Variants in JAM3 observed in about 807,000 individuals in gnomAD.
The protein encoded by JAM3 is junctional adhesion molecule C.
JAM3 carries 31 observed loss-of-function variants against 39.4 expected under a neutral mutation model. The observed-to-expected ratio is 0.79, with a 90% CI of 0.59 to 1.06. The LOEUF is 1.06. Among genes scored for constraint, JAM3 ranks in the 50% least tolerant of loss-of-function variants. The pLI, the probability that JAM3 is intolerant of heterozygous loss-of-function variation, is 0.00. For missense variants in JAM3, 455 were observed against 391.4 expected, an observed-to-expected ratio of 1.16 and a Z score of -1.37; for synonymous variants, 182 against 148.7, an observed-to-expected ratio of 1.22 and a Z score of -1.63.
At chr11:134,143,787 A>G (rs1449004408) in intron 3 of JAM3, among the ~76,000 whole-genome samples, 3 of 152,320 alleles carry the variant, frequency 2.0e-5, no homozygotes, top group Middle Eastern at 3.4e-3. Flanking sequence ...GCATTTTTCT[A>G]AGAGTTTTAT....
chr11:134,074,326 A>G (rs188809093), intron 1 of JAM3, among the ~76,000 whole-genome samples: 1 of 152,340 alleles, frequency 6.6e-6, no homozygotes, highest in African/African-American at 2.4e-5. Flanking sequence ...TTGTGTAATG[A>G]AAAAAGTTGC....
At chr11:134,076,030 A>C in intron 1 of JAM3, among the ~76,000 whole-genome samples, 1 of 118,678 alleles carries the variant, frequency 8.4e-6, no homozygotes, top group African/African-American at 5.0e-5. Flanking sequence ...ATTGATAACC[A>C]ATCAATACAC....
intron 1 of JAM3, among the ~76,000 whole-genome samples, chr11:134,089,415 CTCG>C (rs1183187685): frequency 1.3e-5 from 2 of 152,066 alleles, no homozygotes; most frequent in East Asian, 3.9e-4. Context: ...CACCCAGTAA[CTCG>C]TCATTTAACA....
At position 134,149,162 on chromosome 11, in the gene JAM3, A is replaced by C; in HGVS notation, c.914A>C (p.Lys305Thr). 1 of 1,614,024 alleles carries C rather than the reference A, an allele frequency of 6.2e-7. No individual in the cohort carries two copies. Among genetic ancestry groups the C allele is most frequent in the Non-Finnish European group, 8.5e-7 (1 of 1,179,874 alleles). Reference sequence around the variant, plus strand: ...GCTTTGCAGGGCGACTTCAGACACAAGTCATCGTTTGTGATCTGAGACCCG... The same window carrying C: ...GCTTTGCAGGGCGACTTCAGACACACGTCATCGTTTGTGATCTGAGACCCG... Reference protein sequence around the residue: ...RTDEEGDFRHKSSFVI With the variant: ...RTDEEGDFRHTSSFVI The change falls in exon 9 of 9, where the codon AAG becomes ACG. Residue 305 changes from lysine (K) to threonine (T), a missense_variant. Coordinates refer to ENST00000299106, the MANE Select transcript of JAM3 (RefSeq NM_032801.5).
At chr11:134,073,124 A>G (rs1444311828) in intron 1 of JAM3, among the ~76,000 whole-genome samples, 2 of 152,176 alleles carry the variant, frequency 1.3e-5, no homozygotes, top group Non-Finnish European at 2.9e-5. Flanking sequence ...GGTACTCTAT[A>G]TGGAGAGCTA....
At chr11:134,073,896 T>C (rs961900237) in intron 1 of JAM3, among the ~76,000 whole-genome samples, 3 of 152,342 alleles carry the variant, frequency 2.0e-5, no homozygotes, top group Non-Finnish European at 4.4e-5. Context: ...TAAAAAAATG[T>C]CTTATTTCTA....
chr11:134,119,344 A>G lies in JAM3; in HGVS notation c.77-20507A>G, dbSNP rs367951267. 3.9e-4 allele frequency among the ~76,000 whole-genome samples: 59 copies of G among 152,354 alleles called. No individual in the cohort carries two copies. In the East Asian group the frequency reaches 6.7e-3, roughly 17 times the overall value. The stretch of plus-strand genomic sequence containing the variant: ...CCTGCTGGCTTAACCCTGGGGTGTT[A>G]CATGGTACTGCTCTGACTCAGCTTT... On this transcript the variant is annotated intron_variant, in intron 1 of 8. Coordinates refer to ENST00000299106, the MANE Select transcript of JAM3 (RefSeq NM_032801.5).
intron 1 of JAM3, among the ~76,000 whole-genome samples, chr11:134,078,303 A>G (rs1477686396): frequency 6.6e-6 from 1 of 151,940 alleles, no homozygotes; most frequent in Non-Finnish European, 1.5e-5. Flanking sequence ...TATTTTTAGT[A>G]GAGACGGGGT....
chr11:134,138,570 T>G (rs572841680), intron 1 of JAM3, among the ~76,000 whole-genome samples: 2 of 152,346 alleles, frequency 1.3e-5, no homozygotes, highest in South Asian at 4.1e-4. Context: ...CACATATCAT[T>G]CTTTACTAGT....
At chr11:134,119,917 T>A (rs886101146) in intron 1 of JAM3, among the ~76,000 whole-genome samples, 1 of 152,218 alleles carries the variant, frequency 6.6e-6, no homozygotes, top group South Asian at 2.1e-4. Context: ...TCACAAAATA[T>A]AACCAGGACT....
chr11:134,124,795 A>G (rs1226339025), intron 1 of JAM3, among the ~76,000 whole-genome samples: 1 of 152,234 alleles, frequency 6.6e-6, no homozygotes, highest in Non-Finnish European at 1.5e-5. Context: ...TATGGCACAT[A>G]GAACCTCTAA....
intron 1 of JAM3, among the ~76,000 whole-genome samples, chr11:134,119,260 G>T (rs1022512053): frequency 5.3e-5 from 8 of 152,044 alleles, no homozygotes; most frequent in Admixed American, 2.0e-4. Context: ...GGAAATGATA[G>T]AATCAAATAG....
chr11:134,126,409 G>T (rs1045625682), intron 1 of JAM3: 3 of 152,410 alleles, frequency 2.0e-5, no homozygotes, highest in Non-Finnish European at 2.9e-5. Context: ...ATGCTGCAGT[G>T]CCTTGCAGAT....
intron 1 of JAM3, among the ~76,000 whole-genome samples, chr11:134,124,909 C>T (rs1591796496): frequency 2.0e-5 from 3 of 152,338 alleles, no homozygotes; most frequent in South Asian, 4.1e-4. Context: ...CGCTGGCGAG[C>T]GGGGACCGGG....
chr11:134,144,551 A>G (rs183803233), intron 4 of JAM3, among the ~76,000 whole-genome samples, 158 bp downstream of exon 4: 1 of 152,194 alleles, frequency 6.6e-6, no homozygotes, highest in East Asian at 1.9e-4. Flanking sequence ...GTTGGGGTAG[A>G]AGGTGAGAAG....
chr11:134,131,092 G>T (rs951582635), intron 1 of JAM3, among the ~76,000 whole-genome samples: 1 of 152,100 alleles, frequency 6.6e-6, no homozygotes, highest in African/African-American at 2.4e-5. Flanking sequence ...CAAGACACAT[G>T]ATCAGAAAAG....
chr11:134,147,539 T>G lies in JAM3; in HGVS notation c.713-1008T>G, dbSNP rs1345282410. Among the ~76,000 whole-genome samples, 7 of 147,260 alleles carry G rather than the reference T, an allele frequency of 4.8e-5. No individual in the cohort carries two copies. In the South Asian group the frequency reaches 1.6e-3, roughly 33 times the overall value. On this transcript the variant is annotated intron_variant, in intron 6 of 8. Transcript: ENST00000299106. ...TCTCGCTCTGTCACCCAGGCTGGAG[T>G]GCAGTGGCACAATCTCGGCTCACTG...
At chr11:134,079,180 T>TA (rs1277542002) in intron 1 of JAM3, among the ~76,000 whole-genome samples, 1 of 152,166 alleles carries the variant, frequency 6.6e-6, no homozygotes, top group African/African-American at 2.4e-5. Context: ...CTCTGTTATT[T>TA]AAAAAATATA....
At chr11:134,078,937 G>C (rs1941619107) in intron 1 of JAM3, among the ~76,000 whole-genome samples, 1 of 152,194 alleles carries the variant, frequency 6.6e-6, no homozygotes, top group Admixed American at 6.5e-5. Context: ...TGCTTGGGAG[G>C]CTGAGGCAGG....
Sources: allele counts gnomAD v4.1 joint callset (sites outside exome capture counted in the v4.1 genomes callset), GRCh38; gene constraint gnomAD v4.1.1; transcripts MANE v1.5; gene names NCBI Gene and HGNC (gene_info 2026-07-23, HGNC 2026-07-21).